The following GK variants were observed in gnomAD, a reference collection of about 807,000 sequenced individuals.
GK encodes glycerol kinase.
Under a neutral mutation model 56.4 loss-of-function variants are expected in GK, and 9 were observed. The observed-to-expected ratio is 0.16, with a 90% confidence interval of 0.10 to 0.28. The LOEUF (loss-of-function observed/expected upper bound fraction) is 0.28, where lower values mean the gene tolerates loss of function less well. GK is among the 10% of genes least tolerant of loss of function. The probability of loss-of-function intolerance (pLI) is 1.00; values close to 1 mark genes in which losing one functional copy is unlikely to be tolerated. For synonymous variants in GK, 104 were observed against 144.1 expected, an observed-to-expected ratio of 0.72 and a Z score of 1.99; for missense variants, 161 against 431.4, an observed-to-expected ratio of 0.37 and a Z score of 5.55.
Position 30,719,408 on chromosome X carries a change from T to C in GK, c.1055-11T>C. Reference sequence around the variant, plus strand: ...TGTGTGATTTTTGTTTTGTTTTGTTTTTAATGTTAGAAAAACTTGCTAAAG... The same window carrying C: ...TGTGTGATTTTTGTTTTGTTTTGTTCTTAATGTTAGAAAAACTTGCTAAAG... On this transcript the variant is annotated splice_polypyrimidine_tract_variant and intron_variant, in intron 14 of 20. Transcript: ENST00000427190. The C allele has an allele frequency of 1.9e-6, 2 of 1,078,618 alleles. No individual in the cohort carries two copies. The highest frequency in any genetic ancestry group is 2.6e-6 in the Non-Finnish European group (2 of 775,442). The allele number at this position is 1,078,618 out of a possible 1,213,427, so 88.9% of individuals were successfully genotyped here.
intron 11 of GK, among the ~76,000 whole-genome samples, chrX:30,704,496 G>A (rs910643752): frequency 9.2e-6 from 1 of 108,962 alleles, no homozygotes; most frequent in East Asian, 2.9e-4. Context: ...GGTCAGTAGC[G>A]CAAAACATTA....
intron 20 of GK, 150 bp downstream of exon 20, chrX:30,727,702 C>A: frequency 2.2e-6 from 1 of 447,254 alleles, no homozygotes; most frequent in Admixed American, 3.4e-5. Context: ...ACCAATTAAT[C>A]TTTGGGGGCA....
intron 11 of GK, among the ~76,000 whole-genome samples, chrX:30,703,073 T>A (rs1320389305): frequency 8.9e-6 from 1 of 112,166 alleles, no homozygotes; most frequent in Non-Finnish European, 1.9e-5. Flanking sequence ...AATGGGAGGA[T>A]AGAAAAGTCA....
chrX:30,704,128 T>TTTTATATA, intron 11 of GK, among the ~76,000 whole-genome samples: 1 of 74,921 alleles, frequency 1.3e-5, no homozygotes, highest in Non-Finnish European at 2.3e-5. Flanking sequence ...GTTATTCATT[T>TTTTATATA]TATATATATA....
chrX:30,682,099 G>A (rs758584945), intron 4 of GK, among the ~76,000 whole-genome samples: 29 of 111,689 alleles, frequency 2.6e-4, no homozygotes, highest in Admixed American at 9.6e-4. Flanking sequence ...TTCAGCCTGA[G>A]AGAACAGAAA....
intron 9 of GK, 98 bp downstream of exon 9, chrX:30,697,847 A>G (rs1935324776): frequency 1.6e-6 from 1 of 618,311 alleles, no homozygotes; most frequent in African/African-American, 2.2e-5. Flanking sequence ...TTTACTAAAC[A>G]TATATATCTA....
intron 4 of GK, among the ~76,000 whole-genome samples, chrX:30,679,891 A>C (rs929639150): frequency 8.9e-6 from 1 of 111,892 alleles, no homozygotes; most frequent in African/African-American, 3.3e-5. Flanking sequence ...TTAGGGAACA[A>C]TCCATAAAAC....
intron 3 of GK, among the ~76,000 whole-genome samples, 171 bp downstream of exon 3, chrX:30,668,289 A>T (rs935721384): frequency 2.7e-5 from 3 of 112,837 alleles, no homozygotes; most frequent in African/African-American, 9.6e-5. Context: ...TGGAGCTTTT[A>T]TTTGGATGGG....
In GK at chrX:30,729,109, G is replaced by C. The variant is rs998234795; in HGVS notation, c.*367G>C. 4.5e-6 allele frequency: 1 copy of C among 223,818 alleles called. No homozygotes were observed. Among genetic ancestry groups the C allele is most frequent in the African/African-American group, 2.8e-5 (1 of 35,785 alleles). 18.4% of individuals were successfully genotyped at this position (223,818 alleles called of 1,213,427 possible). ...AACATACTCAAACACTTTTGGACCA[G>C]GATTTGAGTCTCTGCATGACATATA... is the stretch of plus-strand genomic sequence containing the variant. On this transcript the variant is annotated 3_prime_UTR_variant, in exon 21 of 21. Transcript: ENST00000427190.
At chrX:30,707,527 CT>C in intron 11 of GK, 28 bp from the exon 12 acceptor site, 2 of 895,191 alleles carry the variant, frequency 2.2e-6, no homozygotes, top group Non-Finnish European at 3.3e-6. Flanking sequence ...ATAAAATTGT[CT>C]TACTATTCAT....
At chrX:30,653,969 G>A (rs774552647) in intron 1 of GK, among the ~76,000 whole-genome samples, 1 of 112,696 alleles carries the variant, frequency 8.9e-6, no homozygotes, top group Non-Finnish European at 1.9e-5. Context: ...CGGCTACCGC[G>A]GTCTTCCCCA....
chrX:30,684,621 G>A (rs769482953), intron 4 of GK, among the ~76,000 whole-genome samples: 12 of 89,996 alleles, frequency 1.3e-4, no homozygotes, highest in Non-Finnish European at 2.5e-4. Context: ...AGCTGAGATC[G>A]CGCCATTGCA....
intron 3 of GK, 152 bp from the exon 4 acceptor site, chrX:30,677,223 A>G (rs1314189894): frequency 8.3e-6 from 4 of 479,848 alleles, no homozygotes; most frequent in Non-Finnish European, 1.5e-5. Flanking sequence ...AGCCACTCAA[A>G]GAAAATAAAC....
chrX:30,664,183 T>TTA (rs1180879088), intron 1 of GK, among the ~76,000 whole-genome samples: 22 of 93,824 alleles, frequency 2.3e-4, no homozygotes, highest in South Asian at 1.8e-3. Flanking sequence ...TATATATATC[T>TTA]TATATATATA....
intron 4 of GK, chrX:30,677,846 A>G (rs1249627681): frequency 2.3e-5 from 10 of 426,764 alleles, no homozygotes; most frequent in Middle Eastern, 3.7e-4. Flanking sequence ...AAGAAAGAAA[A>G]AAAAAAACAC....
chrX:30,671,856 A>G, intron 3 of GK: 1 of 113,248 alleles, frequency 8.8e-6, no homozygotes, highest in Non-Finnish European at 1.9e-5. Flanking sequence ...AAATACAAAG[A>G]GTTACGGCTG....
chrX:30,720,236 G>A (rs1936832904), intron 16 of GK, 141 bp downstream of exon 16: 2 of 496,177 alleles, frequency 4.0e-6, no homozygotes, highest in Admixed American at 2.9e-5. Flanking sequence ...CTAAATATAA[G>A]CAGGGTTTTC....
At chrX:30,671,291 C>CAAA (rs56822779) in intron 3 of GK, among the ~76,000 whole-genome samples, 384 of 25,116 alleles carry the variant, frequency 0.015, no homozygotes, top group Non-Finnish European at 0.02. Context: ...AACTCCATCT[C>CAAA]AAAAAAAAAA....
At chrX:30,701,601 A>G (rs1430094729) in intron 11 of GK, among the ~76,000 whole-genome samples, 1 of 111,874 alleles carries the variant, frequency 8.9e-6, no homozygotes, top group Non-Finnish European at 1.9e-5. Context: ...CTAACTGTAA[A>G]GTTATATTTT....
Sources: gnomAD v4.1 joint callset for allele counts (sites outside exome capture counted in the v4.1 genomes callset) on GRCh38, gnomAD v4.1.1 for gene constraint, MANE v1.5 for transcripts, NCBI Gene and HGNC (gene_info 2026-07-23, HGNC 2026-07-21) for gene names.